PPARGC1A: variants seen among roughly 807,000 people sequenced by gnomAD.
PPARGC1A encodes PPARG coactivator 1 alpha.
Under a neutral mutation model 88.7 loss-of-function variants are expected in PPARGC1A, and 25 were observed. The observed-to-expected ratio is 0.28, with a 90% CI of 0.21 to 0.39. The LOEUF (loss-of-function observed/expected upper bound fraction) is 0.39. PPARGC1A is among the 10% of genes least tolerant of loss of function. The pLI is 1.00. For missense variants in PPARGC1A, 880 were observed against 968.7 expected, an observed-to-expected ratio of 0.91 and a Z score of 1.22; for synonymous variants, 363 against 355.6, an observed-to-expected ratio of 1.02 and a Z score of -0.24.
chr4:24,212,762 G>A, the PPARGC1A span, among the ~76,000 whole-genome samples: 1 of 152,178 alleles, frequency 6.6e-6, no homozygotes, highest in Non-Finnish European at 1.5e-5. Flanking sequence ...CTTTAAGACA[G>A]CTTTAAATAA....
chr4:24,077,308 C>CA, the PPARGC1A span, among the ~76,000 whole-genome samples: 804 of 152,216 alleles, frequency 5.3e-3, 5 homozygotes, highest in Non-Finnish European at 9.0e-3. Context: ...CTGAGAAATT[C>CA]ATAAAGACCT....
chr4:23,937,193 T>C, the PPARGC1A span, among the ~76,000 whole-genome samples: 1 of 151,890 alleles, frequency 6.6e-6, no homozygotes, highest in African/African-American at 2.4e-5. Flanking sequence ...CCTAGGTAGC[T>C]TCTCCTGATT....
At chr4:23,834,630 C>T (rs1405445973) in intron 2 of PPARGC1A, among the ~76,000 whole-genome samples, 3 of 152,158 alleles carry the variant, frequency 2.0e-5, no homozygotes, top group Non-Finnish European at 4.4e-5. Flanking sequence ...ATAACTGAAG[C>T]TTATTGAATA....
At chr4:23,863,545 G>C (rs572315323) in intron 2 of PPARGC1A, among the ~76,000 whole-genome samples, 2 of 152,088 alleles carry the variant, frequency 1.3e-5, no homozygotes, top group South Asian at 4.2e-4. Flanking sequence ...TCATCACTTG[G>C]TCTTTCCTCA....
At chr4:24,254,031 T>A in the PPARGC1A span, among the ~76,000 whole-genome samples, 1 of 152,186 alleles carries the variant, frequency 6.6e-6, no homozygotes, top group South Asian at 2.1e-4. Flanking sequence ...ATCATCGTCA[T>A]CATGTATTCA....
chr4:23,963,159 A>T, the PPARGC1A span, among the ~76,000 whole-genome samples: 1 of 152,192 alleles, frequency 6.6e-6, no homozygotes, highest in African/African-American at 2.4e-5. Flanking sequence ...TCTAAAACAC[A>T]GGCTAAAGAA....
chr4:24,241,617 TG>T, the PPARGC1A span, among the ~76,000 whole-genome samples: 1 of 152,242 alleles, frequency 6.6e-6, no homozygotes, highest in Non-Finnish European at 1.5e-5. Context: ...GCTCACGCCT[TG>T]TTTAGCACCT....
chr4:23,833,502 A>G (rs1020110302), intron 2 of PPARGC1A, among the ~76,000 whole-genome samples: 2 of 152,212 alleles, frequency 1.3e-5, no homozygotes, highest in African/African-American at 2.4e-5. Flanking sequence ...AGCTGCTGAC[A>G]TCTAATGAAG....
At chr4:23,938,313 A>C in the PPARGC1A span, among the ~76,000 whole-genome samples, 1 of 152,212 alleles carries the variant, frequency 6.6e-6, no homozygotes, top group Non-Finnish European at 1.5e-5. Flanking sequence ...GCACCAAGGT[A>C]CACTTCCTCA....
chr4:24,446,948 C>T, the PPARGC1A span, among the ~76,000 whole-genome samples: 1 of 152,128 alleles, frequency 6.6e-6, no homozygotes, highest in African/African-American at 2.4e-5. Flanking sequence ...CCTTATTTTA[C>T]AAGTTAAAAC....
the PPARGC1A span, among the ~76,000 whole-genome samples, chr4:24,191,480 G>A: frequency 2.6e-5 from 4 of 152,200 alleles, no homozygotes; most frequent in East Asian, 1.9e-4. Flanking sequence ...ATAATGTCTC[G>A]CCTTTGCATG....
At chr4:24,465,722 A>G in the PPARGC1A span, among the ~76,000 whole-genome samples, 1 of 152,194 alleles carries the variant, frequency 6.6e-6, no homozygotes, top group Admixed American at 6.5e-5. Flanking sequence ...TCCGCTTCCC[A>G]CAACTGTATT....
the PPARGC1A span, among the ~76,000 whole-genome samples, chr4:24,239,628 G>A: frequency 6.6e-6 from 1 of 152,200 alleles, no homozygotes; most frequent in African/African-American, 2.4e-5. Context: ...ATCTACACAT[G>A]TCAGGGGAAA....
the PPARGC1A span, among the ~76,000 whole-genome samples, chr4:24,106,739 C>T: frequency 1.3e-5 from 2 of 152,206 alleles, no homozygotes; most frequent in South Asian, 2.1e-4. Context: ...GCAAAAGTGC[C>T]TTGTCCCTTG....
the PPARGC1A span, among the ~76,000 whole-genome samples, chr4:24,190,480 A>G: frequency 1.3e-5 from 2 of 152,180 alleles, no homozygotes; most frequent in African/African-American, 4.8e-5. Context: ...GCACCACTGC[A>G]CTCCAGCCTG....
At chr4:24,405,270 G>A in the PPARGC1A span, among the ~76,000 whole-genome samples, 1 of 151,786 alleles carries the variant, frequency 6.6e-6, no homozygotes, top group South Asian at 2.1e-4. Context: ...TTTCTAAGTT[G>A]TATGAAAAGG....
At chr4:24,129,821 A>AGG in the PPARGC1A span, among the ~76,000 whole-genome samples, 1 of 152,206 alleles carries the variant, frequency 6.6e-6, no homozygotes, top group Non-Finnish European at 1.5e-5. Context: ...CAGCCATAAA[A>AGG]AATGATGAGT....
the PPARGC1A span, among the ~76,000 whole-genome samples, chr4:24,332,018 A>G: frequency 6.6e-6 from 1 of 150,798 alleles, no homozygotes; most frequent in East Asian, 1.9e-4. Context: ...TTCTGTGTTT[A>G]TTTAGCCAGT....
chr4:23,859,377 G>A (rs1442660565), intron 2 of PPARGC1A, among the ~76,000 whole-genome samples: 1 of 152,188 alleles, frequency 6.6e-6, no homozygotes, highest in Non-Finnish European at 1.5e-5. Flanking sequence ...AGTGTAAGGG[G>A]AAGGTACAGG....
Sources: allele counts gnomAD v4.1 joint callset (sites outside exome capture counted in the v4.1 genomes callset), GRCh38; gene constraint gnomAD v4.1.1; transcripts MANE v1.5; gene names NCBI Gene and HGNC (gene_info 2026-07-23, HGNC 2026-07-21).